Variants in KIAA2012 observed in about 807,000 individuals in gnomAD.
KIAA2012 encodes the protein uncharacterized protein KIAA2012.
Under a neutral mutation model 150.6 loss-of-function variants are expected in KIAA2012, and 125 were observed. The ratio of observed to expected loss-of-function variants is 0.83; its 90% CI spans 0.72 to 0.96. The LOEUF is 0.96. Among genes scored for constraint, KIAA2012 ranks in the 40% least tolerant of loss-of-function variants. KIAA2012 has a pLI of 0.00. For missense variants in KIAA2012, 1,219 were observed against 1,354.9 expected (o/e 0.90, Z 1.57); for synonymous variants, 462 against 504.7 (o/e 0.92, Z 1.13).
chr2:202,114,256 C>T (rs1165752610), intron 11 of KIAA2012: 1 of 156,418 alleles, frequency 6.4e-6, no homozygotes, highest in Non-Finnish European at 1.5e-5. Flanking sequence ...GATTCCTCCC[C>T]TGAGAAATTC....
chr2:202,105,240 G>A (rs1310004773), intron 8 of KIAA2012, among the ~76,000 whole-genome samples: 2 of 150,598 alleles, frequency 1.3e-5, no homozygotes, highest in African/African-American at 4.9e-5. Flanking sequence ...AGGAAGAAAG[G>A]AAGGGAGGGA....
chr2:202,095,869 A>G (rs1412394196), intron 4 of KIAA2012, among the ~76,000 whole-genome samples: 1 of 152,078 alleles, frequency 6.6e-6, no homozygotes, highest in Non-Finnish European at 1.5e-5. Flanking sequence ...GGATCACTTG[A>G]GGTCAGGAGT....
chr2:202,077,184 C>A (rs549474964), intron 2 of KIAA2012: 2 of 381,612 alleles, frequency 5.2e-6, no homozygotes, highest in Admixed American at 3.2e-5. Context: ...TGTTGCCCCC[C>A]CAGCTGTTTG....
chr2:202,099,421 A>G lies in KIAA2012; in HGVS notation c.829-192A>G, dbSNP rs78764778. On this transcript the variant is annotated intron_variant, in intron 5 of 23. Coordinates refer to ENST00000498697, the MANE Select transcript of KIAA2012 (RefSeq NM_001277372.4). ...ATGGCTAAGTATCATTCTTTCCATC[A>G]TCAACAATAAAATGTTTTATTGTAA... 4.3e-3 allele frequency among the ~76,000 whole-genome samples: 649 copies of G among 152,242 alleles called. 2 individuals carry two copies. Among genetic ancestry groups the G allele is most frequent in the African/African-American group, 0.014 (569 of 41,554 alleles).
chr2:202,163,445 C>T (rs998438192), intron 14 of KIAA2012, among the ~76,000 whole-genome samples: 1 of 152,182 alleles, frequency 6.6e-6, no homozygotes, highest in African/African-American at 2.4e-5. Flanking sequence ...TCTTTTGACA[C>T]TCTTCTAAGC....
Position 202,193,411 on chromosome 2 carries a change from G to A in KIAA2012, c.2922G>A (p.Glu974=). 6.4e-7 allele frequency: 1 copy of A among 1,550,426 alleles called. No individual in the cohort carries two copies. The highest frequency in any genetic ancestry group is 8.7e-7 in the Non-Finnish European group (1 of 1,146,866). ...AGAAGAAGAGAAGGGAGCAGGAAGA[G>A]CAAAGGCAGCTCCAGCAGGAGCAGC... ...EVEKKRREQE[E]QRQLQQEQLE... The change falls in exon 20 of 24, where the codon GAG becomes GAA. Residue 974 remains glutamate, a synonymous_variant. Coordinates refer to ENST00000498697, the MANE Select transcript of KIAA2012 (RefSeq NM_001277372.4).
At chr2:202,190,062 T>G (rs904119016) in intron 18 of KIAA2012, 112 bp from the exon 19 acceptor site, 9 of 832,882 alleles carry the variant, frequency 1.1e-5, no homozygotes, top group Non-Finnish European at 1.1e-5. Context: ...CTCTCCAGCT[T>G]GGGTGACAGA....
chr2:202,155,629 A>G (rs1691511979), intron 14 of KIAA2012, among the ~76,000 whole-genome samples: 1 of 152,170 alleles, frequency 6.6e-6, no homozygotes, highest in Admixed American at 6.5e-5. Flanking sequence ...TTTGATAAGA[A>G]ATGACTGAGA....
intron 10 of KIAA2012, among the ~76,000 whole-genome samples, chr2:202,110,262 C>A (rs1364438030): frequency 1.3e-5 from 2 of 152,184 alleles, no homozygotes; most frequent in African/African-American, 4.8e-5. Flanking sequence ...TGAGGCAGGG[C>A]AAGGCCATTC....
intron 13 of KIAA2012, among the ~76,000 whole-genome samples, chr2:202,142,692 CCCAGGAA>C (rs1691217286): frequency 6.6e-6 from 1 of 152,070 alleles, no homozygotes; most frequent in African/African-American, 2.4e-5. Flanking sequence ...TCAGCCTACA[CCCAGGAA>C]TGAACAAGGA....
intron 2 of KIAA2012, among the ~76,000 whole-genome samples, chr2:202,082,883 T>A (rs1162880838): frequency 1.3e-5 from 2 of 152,086 alleles, no homozygotes; most frequent in Non-Finnish European, 2.9e-5. Context: ...AAGTATGTAC[T>A]TTTGTCATCC....
chr2:202,116,937 A>G (rs906363428), intron 11 of KIAA2012: 1 of 152,198 alleles, frequency 6.6e-6, no homozygotes, highest in African/African-American at 2.4e-5. Flanking sequence ...CAAGCAGCCT[A>G]TGGCAAGCAG....
chr2:202,143,841 C>T (rs1316459088), intron 13 of KIAA2012, among the ~76,000 whole-genome samples: 1 of 151,932 alleles, frequency 6.6e-6, no homozygotes, highest in Non-Finnish European at 1.5e-5. Flanking sequence ...GCATTTTATC[C>T]CTCTAACTCT....
chr2:202,078,605 A>T (rs942078110), intron 2 of KIAA2012, among the ~76,000 whole-genome samples: 2 of 152,110 alleles, frequency 1.3e-5, no homozygotes, highest in Non-Finnish European at 2.9e-5. Context: ...GTATTTTTTT[A>T]AAGCAGATTA....
At chr2:202,086,955 C>T (rs1689586819) in intron 2 of KIAA2012, among the ~76,000 whole-genome samples, 1 of 152,152 alleles carries the variant, frequency 6.6e-6, no homozygotes, top group Admixed American at 6.5e-5. Flanking sequence ...ATATTATATC[C>T]ACATATCAGA....
intron 12 of KIAA2012, among the ~76,000 whole-genome samples, chr2:202,131,559 C>T (rs1425449928): frequency 2.6e-5 from 4 of 152,246 alleles, no homozygotes; most frequent in Admixed American, 6.5e-5. Flanking sequence ...TGAGAGACCA[C>T]GTCCATGCCT....
At chr2:202,160,458 C>T (rs1027943425) in intron 14 of KIAA2012, among the ~76,000 whole-genome samples, 18 of 151,884 alleles carry the variant, frequency 1.2e-4, no homozygotes, top group Non-Finnish European at 1.5e-4. Flanking sequence ...GGACTACAGG[C>T]GCCCGCCACC....
In KIAA2012 at chr2:202,097,550, CT is replaced by C. The variant is rs1559202403; in HGVS notation, c.802del (p.Trp268GlyfsTer13). Reference protein sequence around the residue: ...TRLPPRRKQPWQEDETQAEDT... With the variant: ...TRLPPRRKQPXQEDETQAEDT... ...GCTTGCCACCACGCAGGAAGCAGCC[CT>C]GGCAGGAAGATGAAACGCAGGCAGA... On this transcript the variant is annotated frameshift_variant, in exon 5 of 24. Transcript: ENST00000498697. LOFTEE classifies it high-confidence loss of function. 1 of 1,550,040 alleles carries C rather than the reference CT, an allele frequency of 6.5e-7. No homozygotes were observed. The highest frequency in any genetic ancestry group is 1.2e-5 in the South Asian group (1 of 84,012).
At chr2:202,082,596 T>TA (rs200520282) in intron 2 of KIAA2012, among the ~76,000 whole-genome samples, 22 of 46,174 alleles carry the variant, frequency 4.8e-4, no homozygotes, top group Non-Finnish European at 6.8e-4. Flanking sequence ...AGTCTGTCTT[T>TA]AAAAAAAAAA....
Sources: gnomAD v4.1 joint callset for allele counts (sites outside exome capture counted in the v4.1 genomes callset) on GRCh38, gnomAD v4.1.1 for gene constraint, MANE v1.5 for transcripts, NCBI Gene and HGNC (gene_info 2026-07-23, HGNC 2026-07-21) for gene names.